FGFRL1: variants seen among roughly 807,000 people sequenced by gnomAD.
FGFRL1 encodes the protein fibroblast growth factor receptor-like 1.
Under a neutral mutation model 36.8 loss-of-function variants are expected in FGFRL1, and 24 were observed. That is an observed-to-expected ratio of 0.65 (90% CI 0.47 to 0.92). FGFRL1 has a LOEUF of 0.92. FGFRL1 is among the 40% of genes least tolerant of loss of function. The probability of loss-of-function intolerance (pLI) is 0.00; values close to 1 mark genes in which losing one functional copy is unlikely to be tolerated. For synonymous variants in FGFRL1, 422 were observed against 344.1 expected (o/e 1.23, Z -2.50); for missense variants, 785 against 753.4 (o/e 1.04, Z -0.49).
intron 2 of FGFRL1, 129 bp downstream of exon 2, chr4:1,012,693 A>AG: frequency 2.4e-6 from 1 of 415,392 alleles, no homozygotes; most frequent in Non-Finnish European, 4.1e-6. Context: ...CCCGCTCGCC[A>AG]GGCCCCCTTC....
Position 1,025,512 on chromosome 4 carries a change from G to GAC in FGFRL1, c.*174_*175dup, listed in dbSNP as rs113926759. On this transcript the variant is annotated 3_prime_UTR_variant, in exon 7 of 7. Coordinates refer to ENST00000510644, the MANE Select transcript of FGFRL1 (RefSeq NM_001004356.3). Reference sequence around the variant, plus strand: ...CATAGCCCCTGGACACACACACACAGACACACACACTGCCTGGATGCATGT... The same window carrying GAC: ...CATAGCCCCTGGACACACACACACAGACACACACACACTGCCTGGATGCATGT... 5.1e-6 allele frequency: 4 copies of GAC among 790,162 alleles called. No individual in the cohort carries two copies. Among genetic ancestry groups the GAC allele is most frequent in the Non-Finnish European group, 2.0e-6 (1 of 502,290 alleles). 48.9% of individuals were successfully genotyped at this position (790,162 alleles called of 1,614,324 possible). A position where few individuals can be genotyped will look rare whatever the true frequency, so the allele number is the denominator to read the frequency against.
rs772753740 is a variant in FGFRL1, at chr4:1,024,366, G to A, written c.774G>A (p.Val258=). The part of the protein sequence containing the change: ...LTGTHPVNTT[V]DFGGTTSFQC... ...GCACGCACCCCGTGAACACGACGGT[G>A]GACTTCGGGGGGACCACGTCCTTCC... Residue 258 remains valine, a synonymous_variant, in exon 6 of 7, where the codon GTG becomes GTA. Transcript: ENST00000510644. 2 of 1,612,272 alleles carry A rather than the reference G, an allele frequency of 1.2e-6. No homozygotes were observed. Among genetic ancestry groups the A allele is most frequent in the South Asian group, 1.1e-5 (1 of 91,050 alleles).
chr4:1,024,209 G>A (rs1716368111), intron 5 of FGFRL1, 102 bp from the exon 6 acceptor site: 8 of 1,316,916 alleles, frequency 6.1e-6, no homozygotes, highest in Non-Finnish European at 7.9e-6. Flanking sequence ...GCACTGGCAG[G>A]GCTTGGGGGT....
chr4:1,018,038 A>G (rs1715985022), intron 2 of FGFRL1, among the ~76,000 whole-genome samples: 1 of 152,072 alleles, frequency 6.6e-6, no homozygotes, highest in Non-Finnish European at 1.5e-5. Flanking sequence ...GCCCCCGAGG[A>G]GCTACGGGGT....
intron 6 of FGFRL1, 110 bp downstream of exon 6, chr4:1,024,774 G>A (rs1716413072): frequency 1.3e-5 from 18 of 1,403,822 alleles, no homozygotes; most frequent in Admixed American, 4.7e-5. Flanking sequence ...GGGCCGTGCT[G>A]GCCAGGTCAT....
At chr4:1,016,439 T>C (rs1715890577) in intron 2 of FGFRL1, among the ~76,000 whole-genome samples, 2 of 152,094 alleles carry the variant, frequency 1.3e-5, no homozygotes, top group Non-Finnish European at 2.9e-5. Flanking sequence ...TTTAGTGCTG[T>C]ACAAGGTTCT....
intron 2 of FGFRL1, among the ~76,000 whole-genome samples, chr4:1,020,182 C>T (rs889139370): frequency 2.0e-5 from 3 of 152,214 alleles, no homozygotes; most frequent in Non-Finnish European, 2.9e-5. Context: ...GAGGAACACG[C>T]GGCCCCAGGC....
At position 1,023,011 on chromosome 4, in the gene FGFRL1, G is replaced by A. The variant is rs1577568342; in HGVS notation, c.352+536G>A. Reference sequence around the variant, plus strand: ...GAGCTCCTGGGAGCTGGGCTGGCCCGTTTCTTTTTTTTTTTTAATTCTACT... The same window carrying A: ...GAGCTCCTGGGAGCTGGGCTGGCCCATTTCTTTTTTTTTTTTAATTCTACT... On this transcript the variant is annotated intron_variant, in intron 3 of 6. Coordinates refer to ENST00000510644, the MANE Select transcript of FGFRL1 (RefSeq NM_001004356.3). This position sits in a 1 kb window ranked among gnomAD's most constrained non-coding sequence, Gnocchi z 6.0. Among the ~76,000 whole-genome samples, 3 of 149,156 alleles carry A rather than the reference G, an allele frequency of 2.0e-5. No individual in the cohort carries two copies. The highest frequency in any genetic ancestry group is 7.3e-5 in the African/African-American group (3 of 40,996).
intron 2 of FGFRL1, among the ~76,000 whole-genome samples, 182 bp downstream of exon 2, chr4:1,012,746 C>T (rs531141968): frequency 6.6e-6 from 1 of 152,258 alleles, no homozygotes; most frequent in Non-Finnish European, 1.5e-5. Context: ...CAGCACCCAC[C>T]GGGGCTCCCC....
Position 1,026,607 on chromosome 4 carries a change from A to G in FGFRL1, c.*1260A>G, listed in dbSNP as rs1484840062. On this transcript the variant is annotated 3_prime_UTR_variant, in exon 7 of 7. Transcript: ENST00000510644. ...ATGGCTAGTGGCTCATCCCCACTGC[A>G]TTCTCCCCCTGACACAGAGAAGGGG... 3.0e-5 allele frequency: 8 copies of G among 263,270 alleles called. No individual in the cohort carries two copies. The highest frequency in any genetic ancestry group is 5.2e-5 in the Non-Finnish European group (7 of 134,918). The allele number at this position is 263,270 out of a possible 1,614,324, so 16.3% of individuals were successfully genotyped here.
Position 1,023,047 on chromosome 4 carries a change from G to C in FGFRL1, c.352+572G>C, listed in dbSNP as rs1231879323. The stretch of plus-strand genomic sequence containing the variant: ...TTTTTTAATTCTACTTTAAGTTTTA[G>C]GGTACATGTGCCCGTTTTCTGAATA... On this transcript the variant is annotated intron_variant, in intron 3 of 6. Transcript: ENST00000510644. The surrounding 1 kb of genome is among the most constrained non-coding windows in gnomAD (Gnocchi z 6.0). 6.6e-6 allele frequency among the ~76,000 whole-genome samples: 1 copy of C among 151,768 alleles called. No individual in the cohort carries two copies. The highest frequency in any genetic ancestry group is 1.5e-5 in the Non-Finnish European group (1 of 67,858).
rs372270864 is a variant in FGFRL1, at chr4:1,012,479, G to A, written c.-7G>A. On this transcript the variant is annotated 5_prime_UTR_variant, in exon 2 of 7. Transcript: ENST00000510644. ...CCCCCAATGTCCCCAGGTCCGGACA[G>A]GCCGAGATGACGCCGAGCCCCCTGT... 6.3e-7 allele frequency: 1 copy of A among 1,575,452 alleles called. No individual in the cohort carries two copies. The highest frequency in any genetic ancestry group is 8.6e-7 in the Non-Finnish European group (1 of 1,165,312).
chr4:1,019,006 G>A (rs934462925), intron 2 of FGFRL1, among the ~76,000 whole-genome samples: 1 of 152,182 alleles, frequency 6.6e-6, no homozygotes, highest in African/African-American at 2.4e-5. Flanking sequence ...GGCCGGCCCT[G>A]GGGGCCACGC....
At chr4:1,021,234 G>T (rs1006298251) in intron 2 of FGFRL1, among the ~76,000 whole-genome samples, 27 of 151,990 alleles carry the variant, frequency 1.8e-4, no homozygotes, top group Non-Finnish European at 2.9e-4. Flanking sequence ...GATGGGGTGG[G>T]TTCCTTTCTG....
At position 1,024,089 on chromosome 4, in the gene FGFRL1, G is replaced by A. The variant is rs1202535131; in HGVS notation, c.706G>A (p.Val236Met). 1 of 1,587,540 alleles carries A rather than the reference G, an allele frequency of 6.3e-7. No individual in the cohort carries two copies. Among genetic ancestry groups the A allele is most frequent in the African/African-American group, 1.3e-5 (1 of 74,148 alleles). ...GGGCGCCATCAACGCCACCTACAAG[G>A]TGGATGTGATCCGTGAGTGTGGCCC... ...RAGAINATYK[V>M]DVIQRTRSKP... Residue 236 changes from valine (V) to methionine (M), a missense_variant, in exon 5 of 7, where the codon GTG (valine) becomes ATG (methionine). Transcript: ENST00000510644.
At chr4:1,019,620 G>C (rs1260026604) in intron 2 of FGFRL1, among the ~76,000 whole-genome samples, 1 of 152,236 alleles carries the variant, frequency 6.6e-6, no homozygotes, top group Non-Finnish European at 1.5e-5. Context: ...AAATTTGCCA[G>C]AGCTGCCCCC....
intron 2 of FGFRL1, 59 bp downstream of exon 2, chr4:1,012,623 C>T: frequency 2.5e-6 from 2 of 796,772 alleles, no homozygotes; most frequent in Non-Finnish European, 3.7e-6. Flanking sequence ...CCCCTTCCCG[C>T]CCGGCCCTGA....
At chr4:1,019,584 C>T (rs953867107) in intron 2 of FGFRL1, among the ~76,000 whole-genome samples, 2 of 152,306 alleles carry the variant, frequency 1.3e-5, no homozygotes, top group East Asian at 1.9e-4. Context: ...GTGCTGTGGG[C>T]CCTGCAGCCG....
intron 5 of FGFRL1, 50 bp downstream of exon 5, chr4:1,024,151 G>T (rs1716363533): frequency 7.8e-7 from 1 of 1,286,006 alleles, no homozygotes; most frequent in Admixed American, 3.5e-5. Flanking sequence ...GTGGGCGGGG[G>T]CGCTGGCGGG....
Sources: gnomAD v4.1 joint callset for allele counts (sites outside exome capture counted in the v4.1 genomes callset) on GRCh38, gnomAD v4.1.1 for gene constraint, Gnocchi (gnomAD v3.1) non-coding constraint, MANE v1.5 for transcripts, NCBI Gene and HGNC (gene_info 2026-07-23, HGNC 2026-07-21) for gene names.